TMEM200A: variants seen among roughly 807,000 people sequenced by gnomAD.
TMEM200A encodes the protein transmembrane protein 200A.
In TMEM200A, 12 loss-of-function variants were observed where a neutral mutation model predicts 24.3. The observed-to-expected ratio is 0.49, with a 90% CI of 0.32 to 0.80. The LOEUF (loss-of-function observed/expected upper bound fraction) is 0.80, where lower values mean the gene tolerates loss of function less well. Ranked by LOEUF, TMEM200A falls within the 30% of genes least tolerant of loss-of-function variation. The pLI is 0.04. For missense variants in TMEM200A, 545 were observed against 614.4 expected (o/e 0.89, Z 1.19); for synonymous variants, 224 against 224.4 (o/e 1.00, Z 0.02).
chr6:130,398,990 AAC>A (rs1468331593), intron 2 of TMEM200A, among the ~76,000 whole-genome samples: 1 of 151,966 alleles, frequency 6.6e-6, no homozygotes, highest in Non-Finnish European at 1.5e-5. Flanking sequence ...CATGAGTGTA[AAC>A]ACAATCTTAG....
intron 1 of TMEM200A, chr6:130,382,123 A>C (rs769157462): frequency 1.0e-4 from 28 of 271,588 alleles, no homozygotes; most frequent in Non-Finnish European, 1.6e-4. Flanking sequence ...GAGCATTACT[A>C]CCTAAGAGCT....
intron 2 of TMEM200A, among the ~76,000 whole-genome samples, chr6:130,392,035 A>C (rs115955847): frequency 0.087 from 13,196 of 152,072 alleles, 1,323 homozygotes; most frequent in African/African-American, 0.24. Context: ...GAGCCACCAC[A>C]CACGGCCAAG....
At position 130,440,429 on chromosome 6, in the gene TMEM200A, G is replaced by A; in HGVS notation, c.7G>A (p.Ala3Thr). Residue 3 changes from alanine to threonine, a missense_variant, in exon 3 of 3, where the codon GCA becomes ACA. Transcript: ENST00000296978. MI[A>T]TGGVITGLAA... ...CAGAGTAAAAGGCCAAGCTATGATA[G>A]CAACTGGTGGAGTGATAACTGGCCT... 9.0e-6 allele frequency: 14 copies of A among 1,550,168 alleles called. No individual in the cohort carries two copies. Among genetic ancestry groups the A allele is most frequent in the Non-Finnish European group, 1.2e-5 (14 of 1,150,992 alleles).
chr6:130,418,363 A>G (rs1440274674), intron 2 of TMEM200A, among the ~76,000 whole-genome samples: 1 of 152,186 alleles, frequency 6.6e-6, no homozygotes, highest in African/African-American at 2.4e-5. Context: ...TTTATTCTAA[A>G]GAGATGAATA....
At chr6:130,397,813 G>A (rs998704155) in intron 2 of TMEM200A, among the ~76,000 whole-genome samples, 4 of 150,414 alleles carry the variant, frequency 2.7e-5, no homozygotes, top group African/African-American at 7.3e-5. Flanking sequence ...TTTTCCTTCT[G>A]TTGCTTTGGA....
intron 2 of TMEM200A, among the ~76,000 whole-genome samples, chr6:130,391,946 C>T (rs369875626): frequency 2.0e-5 from 3 of 151,752 alleles, no homozygotes; most frequent in South Asian, 2.1e-4. Context: ...AGTTTCACCG[C>T]GTTAGCCAGG....
intron 1 of TMEM200A, among the ~76,000 whole-genome samples, chr6:130,384,383 C>T (rs7769888): frequency 0.027 from 4,101 of 152,228 alleles, 63 homozygotes; most frequent in African/African-American, 0.041. Flanking sequence ...ATGATCATAG[C>T]TCACTGTACC....
chr6:130,409,485 A>C (rs1273807177), intron 2 of TMEM200A, among the ~76,000 whole-genome samples: 1 of 152,182 alleles, frequency 6.6e-6, no homozygotes, highest in African/African-American at 2.4e-5. Flanking sequence ...ACAGGCTTCC[A>C]GGGACCAGTG....
At chr6:130,426,546 T>G (rs7763397) in intron 2 of TMEM200A, among the ~76,000 whole-genome samples, 37,931 of 151,112 alleles carry the variant, frequency 0.25, 6,127 homozygotes, top group African/African-American at 0.46. Flanking sequence ...GAGTAATCAT[T>G]CTGAAGTCGC....
intron 1 of TMEM200A, among the ~76,000 whole-genome samples, chr6:130,379,046 C>T (rs1778535146): frequency 6.6e-6 from 1 of 152,158 alleles, no homozygotes; most frequent in Admixed American, 6.5e-5. Flanking sequence ...TAACCCACTC[C>T]TTCCATAATG....
chr6:130,373,095 A>G (rs977036393), intron 1 of TMEM200A, among the ~76,000 whole-genome samples: 1 of 152,190 alleles, frequency 6.6e-6, no homozygotes, highest in African/African-American at 2.4e-5. Flanking sequence ...GAGAATCAAC[A>G]TCTTTGGGCT....
At chr6:130,407,693 C>T (rs184970440) in intron 2 of TMEM200A, among the ~76,000 whole-genome samples, 43 of 152,244 alleles carry the variant, frequency 2.8e-4, no homozygotes, top group Middle Eastern at 6.8e-3. Context: ...CGAGGTGCCT[C>T]TAATGTGAAG....
intron 2 of TMEM200A, among the ~76,000 whole-genome samples, chr6:130,407,796 A>G (rs1206177465): frequency 6.6e-6 from 1 of 152,238 alleles, no homozygotes; most frequent in African/African-American, 2.4e-5. Flanking sequence ...GGTCATAGGA[A>G]GGGAGCCTGA....
chr6:130,403,833 A>G (rs1296879546), intron 2 of TMEM200A, among the ~76,000 whole-genome samples: 11 of 151,716 alleles, frequency 7.3e-5, no homozygotes, highest in Middle Eastern at 3.2e-3. Flanking sequence ...CCACCCTTCA[A>G]CCTCAAGTAG....
chr6:130,411,526 C>T (rs1218074892), intron 2 of TMEM200A, among the ~76,000 whole-genome samples: 1 of 152,106 alleles, frequency 6.6e-6, no homozygotes, highest in Non-Finnish European at 1.5e-5. Context: ...GCCAGTTTTC[C>T]AGTAATGCCT....
chr6:130,409,730 T>C (rs114116111), intron 2 of TMEM200A, among the ~76,000 whole-genome samples: 2,206 of 152,144 alleles, frequency 0.014, 51 homozygotes, highest in African/African-American at 0.05. Context: ...GACCTAGAAT[T>C]TGGGAGGCCA....
chr6:130,394,895 A>G (rs569340019), intron 2 of TMEM200A, among the ~76,000 whole-genome samples: 6 of 152,288 alleles, frequency 3.9e-5, no homozygotes, highest in Admixed American at 3.9e-4. Flanking sequence ...GGGTAAGGAT[A>G]TGAAAGTTCA....
chr6:130,401,569 C>A (rs371510819), intron 2 of TMEM200A, among the ~76,000 whole-genome samples: 2 of 151,344 alleles, frequency 1.3e-5, no homozygotes, highest in Non-Finnish European at 2.9e-5. Context: ...AGTGCTGCAA[C>A]CAGGTATCCT....
intron 2 of TMEM200A, among the ~76,000 whole-genome samples, chr6:130,403,906 T>A (rs545762241): frequency 6.6e-6 from 1 of 152,160 alleles, no homozygotes; most frequent in Non-Finnish European, 1.5e-5. Context: ...CTCTCACTTA[T>A]AAGTGAGAAA....
Sources: allele counts gnomAD v4.1 joint callset (sites outside exome capture counted in the v4.1 genomes callset), GRCh38; gene constraint gnomAD v4.1.1; transcripts MANE v1.5; gene names NCBI Gene and HGNC (gene_info 2026-07-23, HGNC 2026-07-21).